ITGB5: variants seen among roughly 807,000 people sequenced by gnomAD.
The protein encoded by ITGB5 is integrin subunit beta 5, also known as integrin beta-5.
ITGB5 carries 38 observed loss-of-function variants against 84.8 expected under a neutral mutation model. The ratio of observed to expected loss-of-function variants is 0.45; its 90% CI spans 0.35 to 0.59. The LOEUF is 0.59. ITGB5 is among the 20% of genes least tolerant of loss of function. The pLI is 0.01. For synonymous variants in ITGB5, 393 were observed against 414.4 expected (o/e 0.95, Z 0.63); for missense variants, 905 against 1,034.5 (o/e 0.87, Z 1.72).
chr3:124,770,767 A>AAGTT (rs1426414555), intron 11 of ITGB5, among the ~76,000 whole-genome samples: 4 of 152,262 alleles, frequency 2.6e-5, no homozygotes, highest in Middle Eastern at 3.4e-3. Context: ...AAATATTCTG[A>AAGTT]AGTTAGAAAC....
intron 8 of ITGB5, among the ~76,000 whole-genome samples, chr3:124,814,826 C>T (rs1221626276): frequency 6.6e-6 from 1 of 152,202 alleles, no homozygotes; most frequent in Admixed American, 6.5e-5. Flanking sequence ...TGTTTACTTA[C>T]AGGAACCAGT....
At chr3:124,819,864 A>G (rs537690628) in intron 6 of ITGB5, 30 bp from the exon 7 acceptor site, 1 of 1,485,988 alleles carries the variant, frequency 6.7e-7, no homozygotes, top group South Asian at 1.1e-5. Context: ...CAAGGCTATG[A>G]CATTCCTAAC....
intron 2 of ITGB5, among the ~76,000 whole-genome samples, chr3:124,867,056 C>G (rs1267873975): frequency 6.6e-6 from 1 of 152,146 alleles, no homozygotes; most frequent in Admixed American, 6.5e-5. Flanking sequence ...CAGCCTCTCA[C>G]CTGTCTCCCT....
At chr3:124,802,160 A>T (rs906421128) in intron 9 of ITGB5, among the ~76,000 whole-genome samples, 2 of 151,910 alleles carry the variant, frequency 1.3e-5, no homozygotes, top group Non-Finnish European at 2.9e-5. Context: ...CCTCCACCAG[A>T]CTCTGAGCCC....
intron 13 of ITGB5, among the ~76,000 whole-genome samples, chr3:124,765,216 C>G (rs140277079): frequency 6.6e-6 from 1 of 152,138 alleles, no homozygotes; most frequent in Non-Finnish European, 1.5e-5. Context: ...CTCCCTACCC[C>G]CAAGAAGAAT....
At chr3:124,777,265 A>G (rs2063939374) in intron 10 of ITGB5, among the ~76,000 whole-genome samples, 1 of 152,228 alleles carries the variant, frequency 6.6e-6, no homozygotes, top group Admixed American at 6.5e-5. Context: ...CCCAGCCAGA[A>G]GCTGCCAGGA....
chr3:124,847,839 C>A (rs1245780368), intron 4 of ITGB5, among the ~76,000 whole-genome samples: 1 of 152,070 alleles, frequency 6.6e-6, no homozygotes, highest in African/African-American at 2.4e-5. Context: ...AAAAAAAATT[C>A]TTACATTTAA....
chr3:124,766,311 G>A lies in ITGB5; in HGVS notation c.2052C>T (p.Tyr684=), dbSNP rs755237439. 1 of 1,614,158 alleles carries A rather than the reference G, an allele frequency of 6.2e-7. No homozygotes were observed. The highest frequency in any genetic ancestry group is 8.5e-7 in the Non-Finnish European group (1 of 1,180,010). The part of the protein sequence containing the change: ...KDDQEAVLCF[Y]KTAKDCVMMF... ...TCATGACGCAGTCCTTGGCGGTTTT[G>A]TAGAAACATAGCACAGCCTCCTGGT... is the stretch of plus-strand genomic sequence containing the variant. Residue 684 remains tyrosine (Y), a synonymous_variant, in exon 13 of 15, where the codon TAC becomes TAT. Coordinates refer to ENST00000296181, the MANE Select transcript of ITGB5 (RefSeq NM_002213.5).
chr3:124,812,640 T>C (rs907074690), intron 8 of ITGB5, among the ~76,000 whole-genome samples: 1 of 152,142 alleles, frequency 6.6e-6, no homozygotes, highest in Non-Finnish European at 1.5e-5. Flanking sequence ...CCAGCACTTA[T>C]TACAGAGCAA....
At chr3:124,825,538 C>T (rs2064773225) in intron 5 of ITGB5, among the ~76,000 whole-genome samples, 1 of 152,158 alleles carries the variant, frequency 6.6e-6, no homozygotes, top group African/African-American at 2.4e-5. Context: ...ACTGATAACA[C>T]ACCACAACAT....
chr3:124,763,694 G>A lies in ITGB5; in HGVS notation c.2329C>T (p.Pro777Ser), dbSNP rs1224377391. The change falls in exon 15 of 15, where the codon CCT (proline) becomes TCT (serine). Residue 777 changes from proline (P) to serine (S), a missense_variant. Around this residue, in one of 3 missense-constraint regions of ITGB5, gnomAD observed 133 missense variants for 122.8 expected, o/e 1.08. Transcript: ENST00000296181. ...EMASNPLYRK[P>S]ISTHTVDFTF... is the part of the protein sequence containing the mutation. Reference sequence around the variant, plus strand: ...AAGTCCACAGTGTGCGTGGAGATAGGCTTTCTGTATAATGGATTTGAAGCC... The same window carrying A: ...AAGTCCACAGTGTGCGTGGAGATAGACTTTCTGTATAATGGATTTGAAGCC... 1 of 1,608,410 alleles carries A rather than the reference G, an allele frequency of 6.2e-7. No individual in the cohort carries two copies. Among genetic ancestry groups the A allele is most frequent in the East Asian group, 2.2e-5 (1 of 44,868 alleles).
At chr3:124,879,077 G>C (rs1261738359) in intron 1 of ITGB5, among the ~76,000 whole-genome samples, 1 of 152,168 alleles carries the variant, frequency 6.6e-6, no homozygotes, top group Non-Finnish European at 1.5e-5. Flanking sequence ...AATCATTCAA[G>C]GAGCCACCGC....
intron 11 of ITGB5, 168 bp from the exon 12 acceptor site, chr3:124,769,281 G>GGAA (rs1157681239): frequency 1.0e-5 from 6 of 591,838 alleles, no homozygotes; most frequent in Non-Finnish European, 1.5e-5. Context: ...TGTTATGGGA[G>GGAA]GAAGCCCAAG....
chr3:124,851,341 A>G (rs848808), intron 3 of ITGB5, among the ~76,000 whole-genome samples: 1 of 152,316 alleles, frequency 6.6e-6, no homozygotes, highest in Admixed American at 6.5e-5. Flanking sequence ...TTCCTACACA[A>G]AGAAAACTTT....
chr3:124,885,477 TTTC>T (rs565131064), intron 1 of ITGB5, among the ~76,000 whole-genome samples: 134 of 152,200 alleles, frequency 8.8e-4, no homozygotes, highest in Middle Eastern at 3.4e-3. Context: ...GTTGTCAGAT[TTTC>T]TTATTTTGCC....
intron 5 of ITGB5, among the ~76,000 whole-genome samples, chr3:124,829,015 C>T (rs2064822762): frequency 6.6e-6 from 1 of 152,020 alleles, no homozygotes; most frequent in Non-Finnish European, 1.5e-5. Context: ...CATTGAGCAC[C>T]CCATTCAGTA....
chr3:124,885,842 C>A (rs1007857), intron 1 of ITGB5, among the ~76,000 whole-genome samples: 16,145 of 152,258 alleles, frequency 0.11, 1,055 homozygotes, highest in South Asian at 0.17. Flanking sequence ...GCTCAGACCC[C>A]TCCTCCGCTC....
chr3:124,898,643 CAAAAAAAAAAAA>C (rs68025034), intron 1 of ITGB5, among the ~76,000 whole-genome samples: 1,006 of 29,282 alleles, frequency 0.034, 39 homozygotes, highest in African/African-American at 0.1. Flanking sequence ...GACTCCGTCT[CAAAAAAAAAAAA>C]AAAAAAAAAA....
rs1935167440 is a variant in ITGB5, at chr3:124,898,976, G to A, written c.-255+2290C>T. Among the ~76,000 whole-genome samples, 3 of 152,098 alleles carry A rather than the reference G, an allele frequency of 2.0e-5. No individual in the cohort carries two copies. In the South Asian group the frequency reaches 6.2e-4, roughly 32 times the overall value. On this transcript the variant is annotated intron_variant, in intron 1 of 4. Coordinates refer to the ITGB5 transcript ENST00000608657. ...TGTAATCCCAGCTACTTGGGAGGCT[G>A]AGGCAGGAGAATCACTTGAACCAGG...
Sources: gnomAD v4.1 joint callset for allele counts (sites outside exome capture counted in the v4.1 genomes callset) on GRCh38, gnomAD v4.1.1 for gene constraint, gnomAD v4.1.1 regional missense constraint, MANE v1.5 for transcripts, NCBI Gene and HGNC (gene_info 2026-07-23, HGNC 2026-07-21) for gene names.